ASMT: variants seen among roughly 807,000 people sequenced by gnomAD.
The protein encoded by ASMT is acetylserotonin N-methyltransferase.
ASMT carries 53 observed loss-of-function variants against 41.3 expected under a neutral mutation model. The ratio of observed to expected loss-of-function variants is 1.28; its 90% CI spans 1.03 to 1.61. ASMT has a LOEUF of 1.61. ASMT is among the 40% of genes most tolerant of loss of function. ASMT has a pLI of 0.00. For synonymous variants in ASMT, 231 were observed against 184.8 expected (o/e 1.25, Z -2.03); for missense variants, 531 against 441.3 (o/e 1.20, Z -1.82).
chrX:1,617,363 G>A (rs1369525630), intron 1 of ASMT, among the ~76,000 whole-genome samples: 53 of 149,804 alleles, frequency 3.5e-4, no homozygotes, highest in African/African-American at 1.1e-3. Context: ...CCATTTACTC[G>A]GGAGGCTGAG....
At chrX:1,616,794 C>T (rs1427473929) in intron 1 of ASMT, among the ~76,000 whole-genome samples, 3 of 151,278 alleles carry the variant, frequency 2.0e-5, no homozygotes, top group Admixed American at 6.6e-5. Context: ...CTGCAAGCTC[C>T]ACCTCCCAGG....
rs763471854 is a variant in ASMT at position 1,615,512 on chromosome X, A to C, written c.69+244A>C. The stretch of plus-strand genomic sequence containing the variant: ...CATGAGTCATCAATCAATGTATGTA[A>C]GTACATTGGGCCAGTCGTGGTGGCT... On this transcript the variant is annotated intron_variant, in intron 1 of 8. Transcript: ENST00000381241. Among the ~76,000 whole-genome samples, 15 of 152,208 alleles carry C rather than the reference A, an allele frequency of 9.9e-5. No homozygotes were observed. In the South Asian group the frequency reaches 3.1e-3, roughly 32 times the overall value.
chrX:1,636,783 C>T (rs1287629488), intron 8 of ASMT, among the ~76,000 whole-genome samples: 1 of 152,242 alleles, frequency 6.6e-6, no homozygotes, highest in Non-Finnish European at 1.5e-5. Context: ...CCCTCTGAAA[C>T]TTCAGTGGCC....
intron 8 of ASMT, among the ~76,000 whole-genome samples, chrX:1,640,475 GC>G (rs1352876220): frequency 2.5e-4 from 12 of 47,146 alleles, no homozygotes; most frequent in Admixed American, 4.5e-4. Flanking sequence ...CCATGTCCCA[GC>G]TCTCCTGTGA....
At position 1,615,264 on chromosome X, in the gene ASMT, C is replaced by G; in HGVS notation, c.65C>G (p.Ser22Cys). ...LNDYANGFMVSQVLFAACELG... is the reference protein window; with the variant it reads ...LNDYANGFMVCQVLFAACELG... ...GACTACGCCAACGGCTTCATGGTGT[C>G]CCAGGTAGGATACGCTCTGTGGGAC... Residue 22 changes from serine to cysteine, a missense_variant, in exon 1 of 9, where the codon TCC becomes TGC. Ser to Cys is a moderately radical substitution (Grantham distance 112, BLOSUM62 -1). Coordinates refer to ENST00000381241, the MANE Select transcript of ASMT (RefSeq NM_001171038.2). 6.3e-7 allele frequency: 1 copy of G among 1,591,836 alleles called. No homozygotes were observed.
intron 1 of ASMT, among the ~76,000 whole-genome samples, chrX:1,617,088 G>C (rs28749802): frequency 6.6e-6 from 1 of 151,956 alleles, no homozygotes; most frequent in African/African-American, 2.4e-5. Context: ...CGGGAGGATC[G>C]CTTAAGCCTA....
At chrX:1,624,197 A>C (rs1603461281) in intron 2 of ASMT, 72 bp from the exon 3 acceptor site, 5 of 1,589,662 alleles carry the variant, frequency 3.1e-6, no homozygotes, top group East Asian at 2.2e-5. Flanking sequence ...GATGTTGTCG[A>C]GCTGGGGAGC....
chrX:1,631,681 G>A (rs1340650941), intron 5 of ASMT, among the ~76,000 whole-genome samples: 1 of 152,084 alleles, frequency 6.6e-6, no homozygotes, highest in Non-Finnish European at 1.5e-5. Flanking sequence ...TTGGGAGGCC[G>A]AGGCGGGTGG....
rs763223793 is a variant in ASMT at position 1,624,278 on chromosome X, G to A, written c.254G>A (p.Arg85Gln). 1.1e-5 allele frequency: 18 copies of A among 1,613,866 alleles called. No homozygotes were observed. The highest frequency in any genetic ancestry group is 6.6e-5 in the South Asian group (6 of 91,080). Residue 85 changes from arginine (R) to glutamine (Q), a missense_variant, in exon 3 of 9, where the codon CGA becomes CAA. Arg to Gln is a conservative substitution (Grantham distance 43). Transcript: ENST00000381241. ...TTTGTGTGTGTTTCAGCTTTCTATC[G>A]AAACACAGAGCTGTCCAGCGACTAC... ...VETRGGKAFY[R>Q]NTELSSDYLT... is the part of the protein sequence containing the mutation.
At chrX:1,640,587 A>T (rs750240140) in intron 8 of ASMT, among the ~76,000 whole-genome samples, 1,735 of 31,070 alleles carry the variant, frequency 0.056, 16 homozygotes, top group Middle Eastern at 0.08. Context: ...TCCTGATGGC[A>T]CATGAGGATG....
intron 2 of ASMT, among the ~76,000 whole-genome samples, chrX:1,623,895 C>T (rs1188603801): frequency 2.6e-5 from 4 of 151,970 alleles, no homozygotes; most frequent in Non-Finnish European, 5.9e-5. Flanking sequence ...GTGATCCACC[C>T]GCCTCGGCCT....
At chrX:1,635,030 A>C (rs1934908111) in intron 7 of ASMT, among the ~76,000 whole-genome samples, 2 of 132,246 alleles carry the variant, frequency 1.5e-5, no homozygotes, top group African/African-American at 3.0e-5. Context: ...GCTGGAGTGC[A>C]GTGGTGGGAT....
chrX:1,616,990 G>A (rs780337184), intron 1 of ASMT, among the ~76,000 whole-genome samples: 1 of 152,078 alleles, frequency 6.6e-6, no homozygotes, highest in East Asian at 1.9e-4. Flanking sequence ...TTACAGGCGT[G>A]AGCCACTGTG....
chrX:1,616,192 CTAATTTTTG>C (rs1934098637), intron 1 of ASMT, among the ~76,000 whole-genome samples: 1 of 133,768 alleles, frequency 7.5e-6, no homozygotes, highest in African/African-American at 2.7e-5. Flanking sequence ...CCACGCCCGG[CTAATTTTTG>C]TATTTTTAGT....
At chrX:1,629,196 G>C (rs1453944076) in intron 4 of ASMT, among the ~76,000 whole-genome samples, 1 of 152,134 alleles carries the variant, frequency 6.6e-6, no homozygotes, top group African/African-American at 2.4e-5. Context: ...TTGCAGCCTA[G>C]GCTTTTAGTG....
At chrX:1,616,108 A>G (rs1316656012) in intron 1 of ASMT, among the ~76,000 whole-genome samples, 1 of 151,144 alleles carries the variant, frequency 6.6e-6, no homozygotes, top group South Asian at 2.1e-4. Context: ...GGCTCACTGC[A>G]ACCTCCGCCT....
In ASMT at chrX:1,633,308, G is replaced by T. The variant is rs746089718; in HGVS notation, c.787+18G>T. On this transcript the variant is annotated intron_variant, in intron 7 of 8. Coordinates refer to ENST00000381241, the MANE Select transcript of ASMT (RefSeq NM_001171038.2). ...CCAGGAAGGTGTGTTTGTGTCCGTG[G>T]GGAAGCAGAGATGTGTCTCACGGCT... 13 of 1,613,730 alleles carry T rather than the reference G, an allele frequency of 8.1e-6. No homozygotes were observed. Among genetic ancestry groups the T allele is most frequent in the Admixed American group, 1.7e-5 (1 of 59,956 alleles).
At chrX:1,623,034 T>C in intron 1 of ASMT, 105 bp from the exon 2 acceptor site, 1 of 1,123,710 alleles carries the variant, frequency 8.9e-7, no homozygotes, top group Non-Finnish European at 1.3e-6. Flanking sequence ...AGAATATAAA[T>C]AAAACAATGC....
chrX:1,634,321 C>T (rs1402689750), intron 7 of ASMT, among the ~76,000 whole-genome samples: 1 of 152,140 alleles, frequency 6.6e-6, no homozygotes, highest in African/African-American at 2.4e-5. Flanking sequence ...ATCAATTCCC[C>T]CAACAACAAG....
Sources: allele counts gnomAD v4.1 joint callset (sites outside exome capture counted in the v4.1 genomes callset), GRCh38; gene constraint gnomAD v4.1.1; transcripts MANE v1.5; gene names NCBI Gene and HGNC (gene_info 2026-07-23, HGNC 2026-07-21).